Variants in RPAP3 observed in about 807,000 individuals in gnomAD.
The protein encoded by RPAP3 is RNA polymerase II-associated protein 3.
In RPAP3, 58 loss-of-function variants were observed where a neutral mutation model predicts 88.8. The ratio of observed to expected loss-of-function variants is 0.65; its 90% CI spans 0.53 to 0.81. The LOEUF is 0.81. RPAP3 is among the 40% of genes least tolerant of loss of function. The pLI, the probability that RPAP3 is intolerant of heterozygous loss-of-function variation, is 0.00. For synonymous variants in RPAP3, 255 were observed against 259.9 expected, an observed-to-expected ratio of 0.98 and a Z score of 0.18; for missense variants, 751 against 764.3, an observed-to-expected ratio of 0.98 and a Z score of 0.20.
Position 47,667,071 on chromosome 12 carries a change from C to A in RPAP3, c.1821G>T (p.Lys607Asn). The change falls in exon 16 of 17, where the codon AAG (lysine) becomes AAT (asparagine). Residue 607 changes from lysine (K) to asparagine (N), a missense_variant. Transcript: ENST00000005386. ...ILHDFYIEKE[K>N]PLLIFEILQR... ...GTAAGATTTCAAAGATGAGTAATGG[C>A]TTTTCTTTCCTGAAATAATCCAAAT... The A allele has an allele frequency of 7.0e-7, 1 of 1,431,556 alleles. No individual in the cohort carries two copies. The highest frequency in any genetic ancestry group is 2.6e-5 in the Admixed American group (1 of 38,122). 88.7% of individuals were successfully genotyped at this position (1,431,556 alleles called of 1,614,324 possible).
chr12:47,677,529 G>A (rs1279994634), intron 12 of RPAP3, among the ~76,000 whole-genome samples: 1 of 152,046 alleles, frequency 6.6e-6, no homozygotes, highest in African/African-American at 2.4e-5. Flanking sequence ...AAGCTGATAG[G>A]CAACTTCAGC....
intron 12 of RPAP3, among the ~76,000 whole-genome samples, chr12:47,671,320 T>G (rs1938992545): frequency 6.6e-6 from 1 of 152,186 alleles, no homozygotes; most frequent in South Asian, 2.1e-4. Flanking sequence ...CTATATACTT[T>G]TGTATATGTT....
rs555518741 is a variant in RPAP3 at position 47,698,243 on chromosome 12, G to C, written c.295-524C>G. Among the ~76,000 whole-genome samples the C allele has an allele frequency of 2.6e-5, 4 of 152,134 alleles. No homozygotes were observed. In the East Asian group the frequency reaches 7.8e-4, roughly 30 times the overall value. ...TTTCACTTGAGGGAACTGAAATGCA[G>C]AAGTTAGTTAACTCATTCAAGGTCA... On this transcript the variant is annotated intron_variant, in intron 3 of 16. Coordinates refer to ENST00000005386, the MANE Select transcript of RPAP3 (RefSeq NM_024604.3).
At chr12:47,686,112 A>G (rs1401244206) in intron 9 of RPAP3, among the ~76,000 whole-genome samples, 4 of 152,236 alleles carry the variant, frequency 2.6e-5, no homozygotes, top group Non-Finnish European at 4.4e-5. Flanking sequence ...TACTATTTAC[A>G]GGCTTTTTAA....
At chr12:47,669,551 T>C (rs1938954244) in intron 13 of RPAP3, among the ~76,000 whole-genome samples, 1 of 152,166 alleles carries the variant, frequency 6.6e-6, no homozygotes, top group South Asian at 2.1e-4. Context: ...AAGTTCAAAG[T>C]TTAAAAGAAA....
At chr12:47,688,157 T>C (rs1461491740) in intron 7 of RPAP3, among the ~76,000 whole-genome samples, 156 bp from the exon 8 acceptor site, 1 of 152,242 alleles carries the variant, frequency 6.6e-6, no homozygotes, top group African/African-American at 2.4e-5. Context: ...ATCTTTCTAC[T>C]TATTAAAGTA....
At chr12:47,673,444 CA>C (rs35080899) in intron 12 of RPAP3, among the ~76,000 whole-genome samples, 5,451 of 60,214 alleles carry the variant, frequency 0.091, 27 homozygotes, top group Non-Finnish European at 0.14. Flanking sequence ...AACTCCGTCT[CA>C]AAAAAAAAAA....
chr12:47,704,713 G>A (rs968285114), intron 1 of RPAP3, among the ~76,000 whole-genome samples: 14 of 151,500 alleles, frequency 9.2e-5, no homozygotes, highest in African/African-American at 3.1e-4. Flanking sequence ...TTTTTAAAGG[G>A]TGGAAGGCCA....
At position 47,662,667 on chromosome 12, in the gene RPAP3, A is replaced by G. The variant is rs2136599184; in HGVS notation, c.*838T>C. 1 of 152,354 alleles carries G rather than the reference A, an allele frequency of 6.6e-6. No individual in the cohort carries two copies. The highest frequency in any genetic ancestry group is 2.4e-5 in the African/African-American group (1 of 41,586). 9.4% of individuals were successfully genotyped at this position (152,354 alleles called of 1,614,324 possible). On this transcript the variant is annotated 3_prime_UTR_variant, in exon 17 of 17. Coordinates refer to ENST00000005386, the MANE Select transcript of RPAP3 (RefSeq NM_024604.3). ...TAATATGATTCTTGCGTCAAATTCAATTAAATTTTATAAGTATCAGTTGAG... is the reference window on the plus strand; with the variant it reads ...TAATATGATTCTTGCGTCAAATTCAGTTAAATTTTATAAGTATCAGTTGAG...
chr12:47,675,536 A>G (rs990621914), intron 12 of RPAP3, among the ~76,000 whole-genome samples: 5 of 152,232 alleles, frequency 3.3e-5, no homozygotes, highest in Admixed American at 2.0e-4. Flanking sequence ...CTCAAAATAA[A>G]GGCATGGAGG....
chr12:47,694,274 G>A (rs910024507), intron 5 of RPAP3, among the ~76,000 whole-genome samples: 8 of 152,126 alleles, frequency 5.3e-5, no homozygotes, highest in African/African-American at 7.2e-5. Flanking sequence ...AAGTGATCTC[G>A]GCAAACATGA....
In RPAP3 at chr12:47,668,997, T is replaced by C. The variant is rs768007659; in HGVS notation, c.1632A>G (p.Pro544=). The change falls in exon 14 of 17, where the codon CCA becomes CCG. Residue 544 remains proline (P), a synonymous_variant. Transcript: ENST00000005386. ...CGAGCTGGAACGAGTTTGCAGGAATTGGAGGAAGAACAGTTGTGGCAAACT... is the reference window on the plus strand; with the variant it reads ...CGAGCTGGAACGAGTTTGCAGGAATCGGAGGAAGAACAGTTGTGGCAAACT... ...PAQFATTVLP[P]IPANSFQLES... 1 of 1,614,072 alleles carries C rather than the reference T, an allele frequency of 6.2e-7. No individual in the cohort carries two copies.
intron 11 of RPAP3, 34 bp from the exon 12 acceptor site, chr12:47,679,628 ATATT>A: frequency 6.6e-7 from 1 of 1,520,662 alleles, no homozygotes; most frequent in Non-Finnish European, 9.0e-7. Context: ...AACTTTCAAA[ATATT>A]TATTATACAA....
intron 12 of RPAP3, among the ~76,000 whole-genome samples, chr12:47,674,047 T>C (rs926207675): frequency 7.4e-6 from 1 of 134,958 alleles, no homozygotes; most frequent in Admixed American, 8.0e-5. Context: ...ATTTCCCTTA[T>C]ACATCAGTAA....
At chr12:47,705,571 TC>T (rs2136651805) in intron 1 of RPAP3, among the ~76,000 whole-genome samples, 1 of 152,216 alleles carries the variant, frequency 6.6e-6, no homozygotes, top group Non-Finnish European at 1.5e-5. Context: ...ATCAAAAACT[TC>T]CAGCGCTGGG....
intron 10 of RPAP3, among the ~76,000 whole-genome samples, chr12:47,680,297 G>A (rs988709450): frequency 1.3e-5 from 2 of 152,156 alleles, no homozygotes; most frequent in African/African-American, 4.8e-5. Context: ...GGGCTGGGAG[G>A]AGAGGAGAAT....
At chr12:47,701,966 T>G (rs1277690285) in intron 2 of RPAP3, among the ~76,000 whole-genome samples, 1 of 152,214 alleles carries the variant, frequency 6.6e-6, no homozygotes, top group Non-Finnish European at 1.5e-5. Flanking sequence ...ATGTACAGTA[T>G]GAAAAACCCA....
intron 6 of RPAP3, among the ~76,000 whole-genome samples, chr12:47,689,847 C>A (rs1202644780): frequency 6.6e-6 from 1 of 152,096 alleles, no homozygotes; most frequent in East Asian, 1.9e-4. Context: ...TCAAGACCAG[C>A]CTGGCCAACA....
Position 47,691,877 on chromosome 12 carries a change from C to T in RPAP3, c.546-1238G>A, listed in dbSNP as rs1307722877. Among the ~76,000 whole-genome samples the T allele has an allele frequency of 3.3e-5, 5 of 152,200 alleles. No homozygotes were observed. The East Asian group carries it at 5.8e-4, about 18-fold the overall frequency. On this transcript the variant is annotated intron_variant, in intron 5 of 16. Coordinates refer to ENST00000005386, the MANE Select transcript of RPAP3 (RefSeq NM_024604.3). ...TCTCCTGCCTCAGCCTCCCAAGTAG[C>T]TGGGACTACAGGTGCCCGCCACCAC...
Sources: gnomAD v4.1 joint callset for allele counts (sites outside exome capture counted in the v4.1 genomes callset) on GRCh38, gnomAD v4.1.1 for gene constraint, MANE v1.5 for transcripts, NCBI Gene and HGNC (gene_info 2026-07-23, HGNC 2026-07-21) for gene names.